GRIN2A: variants seen among roughly 807,000 people sequenced by gnomAD.
The protein encoded by GRIN2A is glutamate receptor ionotropic, NMDA 2A.
A neutral mutation model predicts 113.4 loss-of-function variants in GRIN2A; 22 were observed. The observed-to-expected ratio is 0.19, with a 90% CI of 0.14 to 0.28. The LOEUF (loss-of-function observed/expected upper bound fraction) is 0.28. Among genes scored for constraint, GRIN2A ranks in the 10% least tolerant of loss-of-function variants. The pLI is 1.00. For missense variants in GRIN2A, 1,502 were observed against 1,887.0 expected, an observed-to-expected ratio of 0.80 and a Z score of 3.78; for synonymous variants, 827 against 738.4, an observed-to-expected ratio of 1.12 and a Z score of -1.94.
chr16:10,160,937 A>T (rs2049797674), intron 2 of GRIN2A, among the ~76,000 whole-genome samples: 1 of 152,184 alleles, frequency 6.6e-6, no homozygotes, highest in Non-Finnish European at 1.5e-5. Flanking sequence ...CAAAGTGCAT[A>T]CCACCCCAGG....
Position 9,758,050 on chromosome 16 carries a change from C to T in GRIN2A, c.*5099G>A, listed in dbSNP as rs1900431465. On this transcript the variant is annotated 3_prime_UTR_variant, in exon 13 of 13. Transcript: ENST00000330684. ...GATCTAATCCTCGCTCTGATACTCT[C>T]TAACTTGATGATCTTAAACAGGCAA... 1.9e-5 allele frequency: 4 copies of T among 212,872 alleles called. No homozygotes were observed. The highest frequency in any genetic ancestry group is 1.9e-4 in the South Asian group (1 of 5,362). The allele number at this position is 212,872 out of a possible 1,614,324, so 13.2% of individuals were successfully genotyped here.
intron 2 of GRIN2A, among the ~76,000 whole-genome samples, chr16:10,026,716 A>G (rs1190469533): frequency 1.3e-5 from 2 of 152,196 alleles, no homozygotes; most frequent in Non-Finnish European, 2.9e-5. Flanking sequence ...CAATGGCCCC[A>G]GGAAAGCCTA....
chr16:10,120,394 A>G (rs1399379019), intron 2 of GRIN2A, among the ~76,000 whole-genome samples: 1 of 152,214 alleles, frequency 6.6e-6, no homozygotes, highest in Non-Finnish European at 1.5e-5. Flanking sequence ...TCTTGATATT[A>G]TAACCTAAGG....
In GRIN2A at chr16:9,848,451, A is replaced by C. The variant is rs1383397256; in HGVS notation, c.1328+1305T>G. Reference sequence around the variant, plus strand: ...GGCTGGTCTTCAACTCCTGACCTCAAGTAATCTGCCCAGCTTGGCCTCCCA... The same window carrying C: ...GGCTGGTCTTCAACTCCTGACCTCACGTAATCTGCCCAGCTTGGCCTCCCA... On this transcript the variant is annotated intron_variant, in intron 5 of 12. Transcript: ENST00000330684. Among the ~76,000 whole-genome samples the C allele has an allele frequency of 2.0e-5, 3 of 151,136 alleles. No individual in the cohort carries two copies. In the East Asian group the frequency reaches 5.8e-4, roughly 29 times the overall value.
chr16:10,098,608 G>A (rs1378997011), intron 2 of GRIN2A, among the ~76,000 whole-genome samples: 3 of 152,092 alleles, frequency 2.0e-5, no homozygotes, highest in Admixed American at 1.3e-4. Flanking sequence ...ATATATACAC[G>A]ATGGAATAAA....
intron 2 of GRIN2A, among the ~76,000 whole-genome samples, chr16:9,955,863 G>A (rs1021633850): frequency 2.6e-5 from 4 of 152,216 alleles, no homozygotes; most frequent in South Asian, 4.1e-4. Context: ...CTCTCTCACC[G>A]CCAGCTTCAA....
At chr16:10,064,976 A>G (rs535086433) in intron 2 of GRIN2A, among the ~76,000 whole-genome samples, 2 of 152,346 alleles carry the variant, frequency 1.3e-5, no homozygotes, top group East Asian at 3.9e-4. Flanking sequence ...AAATCAGAAT[A>G]CACCGTAACG....
chr16:9,831,687 T>C (rs983836343), intron 8 of GRIN2A, among the ~76,000 whole-genome samples: 3 of 151,926 alleles, frequency 2.0e-5, no homozygotes, highest in Non-Finnish European at 4.4e-5. Context: ...AGCTAATTTT[T>C]GTATTTTTAG....
intron 2 of GRIN2A, among the ~76,000 whole-genome samples, chr16:10,051,803 T>G (rs1364805469): frequency 6.6e-6 from 1 of 152,200 alleles, no homozygotes; most frequent in Non-Finnish European, 1.5e-5. Context: ...GGCCAGACCC[T>G]GCCTTCTCTG....
intron 3 of GRIN2A, among the ~76,000 whole-genome samples, chr16:9,929,717 G>A (rs970033514): frequency 6.6e-6 from 1 of 152,186 alleles, no homozygotes; most frequent in Non-Finnish European, 1.5e-5. Flanking sequence ...ATTAGCACAT[G>A]TCACCAAATT....
chr16:9,780,156 TGCTGG>T (rs1187584367), intron 11 of GRIN2A, among the ~76,000 whole-genome samples: 41 of 152,356 alleles, frequency 2.7e-4, no homozygotes, highest in African/African-American at 9.4e-4. Context: ...CTACCTGCAC[TGCTGG>T]CAGGAATGTA....
chr16:9,848,053 TATAA>T (rs922302303), intron 5 of GRIN2A, among the ~76,000 whole-genome samples: 73 of 147,020 alleles, frequency 5.0e-4, no homozygotes, highest in African/African-American at 1.5e-3. Context: ...TATTTTAACA[TATAA>T]ATATATATTT....
intron 2 of GRIN2A, among the ~76,000 whole-genome samples, chr16:10,157,003 C>G (rs538936110): frequency 6.6e-6 from 1 of 152,252 alleles, no homozygotes; most frequent in African/African-American, 2.4e-5. Context: ...TGAGGTGATT[C>G]TTGGATGCCT....
At chr16:9,902,018 A>T (rs1385034121) in intron 3 of GRIN2A, among the ~76,000 whole-genome samples, 1 of 151,622 alleles carries the variant, frequency 6.6e-6, no homozygotes, top group African/African-American at 2.4e-5. Context: ...AACTAAGTGC[A>T]GATTTTCTCA....
intron 2 of GRIN2A, among the ~76,000 whole-genome samples, chr16:10,093,513 T>G (rs2048225693): frequency 6.6e-6 from 1 of 152,106 alleles, no homozygotes; most frequent in Non-Finnish European, 1.5e-5. Flanking sequence ...GCACCTTCAC[T>G]CAAGTGACAG....
chr16:10,070,254 G>T (rs1020177769), intron 2 of GRIN2A, among the ~76,000 whole-genome samples: 15 of 152,038 alleles, frequency 9.9e-5, no homozygotes, highest in African/African-American at 3.4e-4. Flanking sequence ...CTCCATTTAG[G>T]CCTCCTGACT....
chr16:9,887,365 T>G (rs1366698610), intron 4 of GRIN2A, among the ~76,000 whole-genome samples: 3 of 152,192 alleles, frequency 2.0e-5, no homozygotes, highest in Non-Finnish European at 4.4e-5. Flanking sequence ...CAACCACTAT[T>G]CTGATATCTA....
At chr16:9,823,639 A>G (rs2042330661) in intron 9 of GRIN2A, among the ~76,000 whole-genome samples, 1 of 152,208 alleles carries the variant, frequency 6.6e-6, no homozygotes, top group Admixed American at 6.5e-5. Flanking sequence ...CAAGAACTTT[A>G]CAAACGTCAG....
At chr16:9,909,323 G>A (rs2141544376) in intron 3 of GRIN2A, among the ~76,000 whole-genome samples, 1 of 152,324 alleles carries the variant, frequency 6.6e-6, no homozygotes, top group South Asian at 2.1e-4. Context: ...AGATATGGGT[G>A]GGGACAATGC....
Sources: gnomAD v4.1 joint callset for allele counts (sites outside exome capture counted in the v4.1 genomes callset) on GRCh38, gnomAD v4.1.1 for gene constraint, MANE v1.5 for transcripts, NCBI Gene and HGNC (gene_info 2026-07-23, HGNC 2026-07-21) for gene names.